Variants in QTMAN observed in about 807,000 individuals in gnomAD.
QTMAN encodes tRNA-queuosine alpha-mannosyltransferase.
At chr2:143,992,925 G>C in the QTMAN span, among the ~76,000 whole-genome samples, 1 of 152,006 alleles carries the variant, frequency 6.6e-6, no homozygotes, top group Non-Finnish European at 1.5e-5. Flanking sequence ...TTTCCACCTT[G>C]AATTCCTAAC....
chr2:144,167,483 A>G, the QTMAN span, among the ~76,000 whole-genome samples: 1 of 152,108 alleles, frequency 6.6e-6, no homozygotes, highest in Non-Finnish European at 1.5e-5. Context: ...AATCTTCATA[A>G]TCCCCACATG....
the QTMAN span, chr2:143,964,006 T>C: frequency 6.6e-6 from 1 of 152,164 alleles, no homozygotes; most frequent in Non-Finnish European, 1.5e-5. Flanking sequence ...TATGCGTCAT[T>C]TCCTCAGCTA....
chr2:143,953,891 C>T, the QTMAN span, among the ~76,000 whole-genome samples: 2 of 151,916 alleles, frequency 1.3e-5, no homozygotes, highest in Non-Finnish European at 1.5e-5. Flanking sequence ...GTACATGAAA[C>T]TTAAGCTGTT....
chr2:143,966,912 T>C, the QTMAN span, among the ~76,000 whole-genome samples: 2 of 152,254 alleles, frequency 1.3e-5, no homozygotes, highest in Non-Finnish European at 2.9e-5. Flanking sequence ...CATCACTCAG[T>C]GGTGTGCCAC....
the QTMAN span, among the ~76,000 whole-genome samples, chr2:144,196,213 CCA>C: frequency 0.38 from 53,717 of 142,136 alleles, 9,718 homozygotes; most frequent in African/African-American, 0.43. Context: ...GCACACATAG[CCA>C]CACACACACA....
At chr2:144,050,281 T>G in the QTMAN span, among the ~76,000 whole-genome samples, 2 of 151,924 alleles carry the variant, frequency 1.3e-5, no homozygotes, top group African/African-American at 4.8e-5. Flanking sequence ...AAGAAAAATG[T>G]CCTATATGTT....
chr2:144,283,833 C>T, the QTMAN span, among the ~76,000 whole-genome samples: 2 of 151,744 alleles, frequency 1.3e-5, no homozygotes, highest in South Asian at 4.2e-4. Context: ...CTGTACCATG[C>T]AGGTTAGTGT....
At chr2:143,964,385 C>G in the QTMAN span, among the ~76,000 whole-genome samples, 1 of 152,214 alleles carries the variant, frequency 6.6e-6, no homozygotes, top group South Asian at 2.1e-4. Context: ...AGTACATTAA[C>G]TTCATCTCAA....
the QTMAN span, among the ~76,000 whole-genome samples, chr2:144,053,589 T>G: frequency 1.3e-5 from 2 of 152,228 alleles, no homozygotes; most frequent in Non-Finnish European, 1.5e-5. Flanking sequence ...ACAAATCACA[T>G]CCTTATAACA....
chr2:144,137,477 C>T, the QTMAN span, among the ~76,000 whole-genome samples: 3 of 151,990 alleles, frequency 2.0e-5, no homozygotes, highest in Non-Finnish European at 4.4e-5. Flanking sequence ...TTACTGCTGT[C>T]AGTGAGACTG....
chr2:144,019,479 T>C, the QTMAN span, among the ~76,000 whole-genome samples: 31 of 139,090 alleles, frequency 2.2e-4, no homozygotes, highest in African/African-American at 8.3e-4. Context: ...TGTGTGTGTG[T>C]GTGTATGTAG....
chr2:144,199,563 A>C, the QTMAN span, among the ~76,000 whole-genome samples: 1 of 152,230 alleles, frequency 6.6e-6, no homozygotes. Context: ...TGAACAAATA[A>C]GAAGTCATAT....
At chr2:143,963,019 TAG>T in the QTMAN span, among the ~76,000 whole-genome samples, 1 of 152,080 alleles carries the variant, frequency 6.6e-6, no homozygotes. Flanking sequence ...CTGGTAAAAT[TAG>T]AGAGTTTTCC....
At chr2:144,108,252 C>T in the QTMAN span, among the ~76,000 whole-genome samples, 2 of 152,116 alleles carry the variant, frequency 1.3e-5, no homozygotes, top group Non-Finnish European at 2.9e-5. Context: ...AAGTTCTGGC[C>T]AGGGCAATCA....
At chr2:144,238,409 T>C in the QTMAN span, among the ~76,000 whole-genome samples, 1 of 152,210 alleles carries the variant, frequency 6.6e-6, no homozygotes, top group Non-Finnish European at 1.5e-5. Flanking sequence ...TCATGGCTTG[T>C]GCTGTTCCTA....
the QTMAN span, among the ~76,000 whole-genome samples, chr2:144,187,925 G>C: frequency 6.6e-6 from 1 of 152,130 alleles, no homozygotes; most frequent in Non-Finnish European, 1.5e-5. Flanking sequence ...TTATAAAAAA[G>C]GACACACACA....
the QTMAN span, among the ~76,000 whole-genome samples, chr2:143,958,084 T>C: frequency 2.0e-5 from 3 of 152,162 alleles, no homozygotes; most frequent in Non-Finnish European, 2.9e-5. Context: ...GTGAAATTCC[T>C]ACCCAAGGGC....
At chr2:144,049,554 C>A in the QTMAN span, among the ~76,000 whole-genome samples, 4 of 152,012 alleles carry the variant, frequency 2.6e-5, no homozygotes, top group Non-Finnish European at 5.9e-5. Flanking sequence ...ACTAATAGAA[C>A]CCTAACCTTT....
the QTMAN span, chr2:143,944,801 T>C: frequency 2.6e-5 from 4 of 152,226 alleles, no homozygotes; most frequent in Admixed American, 2.0e-4. Context: ...AAAATTTGAT[T>C]TGCATTTATG....
Sources: gnomAD v4.1 joint callset for allele counts (sites outside exome capture counted in the v4.1 genomes callset) on GRCh38, gnomAD v4.1.1 for gene constraint, MANE v1.5 for transcripts, NCBI Gene and HGNC (gene_info 2026-07-23, HGNC 2026-07-21) for gene names.